CLNS1A: variants seen among roughly 807,000 people sequenced by gnomAD.
The protein encoded by CLNS1A is chloride nucleotide-sensitive channel 1A.
In CLNS1A, 16 loss-of-function variants were observed where a neutral mutation model predicts 29.4. The ratio of observed to expected loss-of-function variants is 0.54; its 90% CI spans 0.37 to 0.83. CLNS1A has a LOEUF of 0.83. CLNS1A is among the 40% of genes least tolerant of loss of function. CLNS1A has a pLI of 0.00. For missense variants in CLNS1A, 235 were observed against 287.4 expected, an observed-to-expected ratio of 0.82 and a Z score of 1.32; for synonymous variants, 96 against 104.8, an observed-to-expected ratio of 0.92 and a Z score of 0.51.
chr11:77,618,411 G>C (rs1296573610), intron 6 of CLNS1A: 1 of 152,248 alleles, frequency 6.6e-6, no homozygotes, highest in East Asian at 1.9e-4. Context: ...GAGCTCCAGT[G>C]ATGTGAACAC....
Position 77,629,880 on chromosome 11 carries a change from C to A in CLNS1A, c.145G>T (p.Gly49Cys). 1 of 1,614,024 alleles carries A rather than the reference C, an allele frequency of 6.2e-7. No individual in the cohort carries two copies. The highest frequency in any genetic ancestry group is 8.5e-7 in the Non-Finnish European group (1 of 1,179,950). The stretch of plus-strand genomic sequence containing the variant: ...TCCAGTGAGAATCCTAATCCAGAGC[C>A]ATCTAACCAAGACAGGCGGCTGAAA... ...IAESRLSWLD[G>C]SGLGFSLEYP... The change falls in exon 2 of 7, where the codon GGC becomes TGC. Residue 49 changes from glycine (G) to cysteine (C), a missense_variant. By Grantham distance (159) the Gly-to-Cys change is radical. Transcript: ENST00000525428.
At chr11:77,628,665 C>G (rs1050772645) in intron 2 of CLNS1A, among the ~76,000 whole-genome samples, 1 of 152,110 alleles carries the variant, frequency 6.6e-6, no homozygotes, top group African/African-American at 2.4e-5. Context: ...ATATCTGGAA[C>G]CATATTAAAA....
At chr11:77,631,097 C>G (rs1171016357) in intron 1 of CLNS1A, among the ~76,000 whole-genome samples, 2 of 152,096 alleles carry the variant, frequency 1.3e-5, no homozygotes, top group Non-Finnish European at 2.9e-5. Context: ...AACAGGAGAA[C>G]CTAGGACTGC....
intron 5 of CLNS1A, among the ~76,000 whole-genome samples, chr11:77,621,493 A>C (rs1414452260): frequency 4.6e-5 from 7 of 152,054 alleles, no homozygotes; most frequent in Non-Finnish European, 1.0e-4. Context: ...AAAATACAAA[A>C]ATTAGCTGGG....
intron 1 of CLNS1A, among the ~76,000 whole-genome samples, chr11:77,637,340 A>C (rs1324884386): frequency 4.0e-4 from 12 of 30,256 alleles, no homozygotes; most frequent in African/African-American, 1.1e-3. Flanking sequence ...GAAAAAAAGA[A>C]AAAAAAAAAA....
At chr11:77,637,243 TAAAAA>T in intron 1 of CLNS1A, among the ~76,000 whole-genome samples, 1 of 43,162 alleles carries the variant, frequency 2.3e-5, no homozygotes, top group East Asian at 7.1e-4. Flanking sequence ...ATAGGCGAGT[TAAAAA>T]AAAAAAAAAA....
rs1045087900 is a variant in CLNS1A, at chr11:77,614,761, G to A, written c.*1957C>T. The A allele has an allele frequency of 4.6e-5, 7 of 152,180 alleles. No homozygotes were observed. The highest frequency in any genetic ancestry group is 1.7e-4 in the African/African-American group (7 of 41,432). The allele number at this position is 152,180 out of a possible 1,614,324, so 9.4% of individuals were successfully genotyped here. A position where few individuals can be genotyped will look rare whatever the true frequency, so the allele number is the denominator to read the frequency against. On this transcript the variant is annotated 3_prime_UTR_variant, in exon 7 of 7. Coordinates refer to ENST00000525428, the MANE Select transcript of CLNS1A (RefSeq NM_001293.3). Reference sequence around the variant, plus strand: ...TACATTTTGGAGGGGAAATGTCTATGTACCTTTAAAGTGTCTCTACATCAG... The same window carrying A: ...TACATTTTGGAGGGGAAATGTCTATATACCTTTAAAGTGTCTCTACATCAG...
Position 77,620,588 on chromosome 11 carries a change from C to T in CLNS1A, c.647-893G>A, listed in dbSNP as rs550566792. Among the ~76,000 whole-genome samples, 4 of 152,278 alleles carry T rather than the reference C, an allele frequency of 2.6e-5. No individual in the cohort carries two copies. In the South Asian group the frequency reaches 8.3e-4, roughly 32 times the overall value. On this transcript the variant is annotated intron_variant, in intron 5 of 6. Coordinates refer to ENST00000525428, the MANE Select transcript of CLNS1A (RefSeq NM_001293.3). ...CCAAGGTGGGTGGATCACCTGAGGT[C>T]AGGAGTTTGAGACCAGCCTGGCCAA...
chr11:77,626,999 T>C (rs1959026897), intron 2 of CLNS1A, among the ~76,000 whole-genome samples: 1 of 150,364 alleles, frequency 6.7e-6, no homozygotes, highest in Non-Finnish European at 1.5e-5. Flanking sequence ...CCAGCCCTGA[T>C]GGTCATTTTT....
chr11:77,624,996 A>G lies in CLNS1A; in HGVS notation c.439T>C (p.Tyr147His). Residue 147 changes from tyrosine (Y) to histidine (H), a missense_variant, in exon 4 of 7, where the codon TAC becomes CAC. Tyr to His is a moderately conservative substitution (Grantham distance 83, BLOSUM62 2). Transcript: ENST00000525428. ...PDPEDEDSDD[Y>H]DGEEYDVEAH... ...TCCACATCATATTCTTCTCCATCGT[A>G]GTCATCTGAATCCTCATCCTCAGGA... 2 of 1,613,618 alleles carry G rather than the reference A, an allele frequency of 1.2e-6. No individual in the cohort carries two copies. The highest frequency in any genetic ancestry group is 1.7e-6 in the Non-Finnish European group (2 of 1,179,580).
At chr11:77,625,093 A>G in intron 3 of CLNS1A, 23 bp from the exon 4 acceptor site, 1 of 1,520,826 alleles carries the variant, frequency 6.6e-7, no homozygotes, top group Non-Finnish European at 9.1e-7. Flanking sequence ...ATTAAACTGT[A>G]ACCAATCTTT....
At position 77,621,072 on chromosome 11, in the gene CLNS1A, G is replaced by A. The variant is rs375923054; in HGVS notation, c.647-1377C>T. 9.0e-5 allele frequency among the ~76,000 whole-genome samples: 13 copies of A among 144,514 alleles called. No individual in the cohort carries two copies. In the East Asian group the frequency reaches 1.9e-3, roughly 21 times the overall value. 94.8% of individuals were successfully genotyped at this position (144,514 alleles called of 152,430 possible). A position where few individuals can be genotyped will look rare whatever the true frequency, so the allele number is the denominator to read the frequency against. On this transcript the variant is annotated intron_variant, in intron 5 of 6. Coordinates refer to ENST00000525428, the MANE Select transcript of CLNS1A (RefSeq NM_001293.3). ...AATACTTTGGGAGGCTGAGGCGGGCGGATCACCTGAGGTCAGGAGTTCGAG... is the reference window on the plus strand; with the variant it reads ...AATACTTTGGGAGGCTGAGGCGGGCAGATCACCTGAGGTCAGGAGTTCGAG...
intron 4 of CLNS1A, among the ~76,000 whole-genome samples, chr11:77,624,178 T>G (rs539507075): frequency 6.6e-6 from 1 of 152,076 alleles, no homozygotes; most frequent in Non-Finnish European, 1.5e-5. Context: ...GCTGGGAGAA[T>G]CATTTGAGTC....
intron 2 of CLNS1A, among the ~76,000 whole-genome samples, chr11:77,626,705 T>A (rs1442375066): frequency 6.8e-6 from 1 of 147,228 alleles, no homozygotes; most frequent in Non-Finnish European, 1.5e-5. Flanking sequence ...CATTTTTTTT[T>A]TTTTGAGACG....
chr11:77,627,858 C>T (rs1037671162), intron 2 of CLNS1A, among the ~76,000 whole-genome samples: 4 of 152,086 alleles, frequency 2.6e-5, no homozygotes, highest in Admixed American at 6.6e-5. Flanking sequence ...GACCGTTTTG[C>T]TCTGTTGCCC....
At chr11:77,637,542 G>T (rs1959145169) in intron 1 of CLNS1A, 48 bp downstream of exon 1, 1 of 1,560,426 alleles carries the variant, frequency 6.4e-7, no homozygotes, top group African/African-American at 1.4e-5. Flanking sequence ...CTCCAGCAAG[G>T]AGGAGGGCGG....
At chr11:77,624,883 C>A in intron 4 of CLNS1A, 80 bp downstream of exon 4, 1 of 847,244 alleles carries the variant, frequency 1.2e-6, no homozygotes, top group Non-Finnish European at 2.0e-6. Flanking sequence ...AACTATAATC[C>A]TCTACCCTTA....
chr11:77,625,316 A>G (rs769617390), intron 3 of CLNS1A: 6 of 511,564 alleles, frequency 1.2e-5, no homozygotes, highest in Non-Finnish European at 2.1e-5. Flanking sequence ...GAGTCCTGGT[A>G]AGACTGCTGG....
At position 77,615,084 on chromosome 11, in the gene CLNS1A, C is replaced by T. The variant is rs1958896678; in HGVS notation, c.*1634G>A. On this transcript the variant is annotated 3_prime_UTR_variant, in exon 7 of 7. Coordinates refer to ENST00000525428, the MANE Select transcript of CLNS1A (RefSeq NM_001293.3). ...CAACACCAACAAGAAACCAAGTACACTCTGAATCTTCTCGACATTTTGCTA... is the reference window on the plus strand; with the variant it reads ...CAACACCAACAAGAAACCAAGTACATTCTGAATCTTCTCGACATTTTGCTA... 1 of 152,206 alleles carries T rather than the reference C, an allele frequency of 6.6e-6. No homozygotes were observed. The highest frequency in any genetic ancestry group is 2.1e-4 in the South Asian group (1 of 4,836). The allele number at this position is 152,206 out of a possible 1,614,324, so 9.4% of individuals were successfully genotyped here. A position where few individuals can be genotyped will look rare whatever the true frequency, so the allele number is the denominator to read the frequency against.
Sources: allele counts gnomAD v4.1 joint callset (sites outside exome capture counted in the v4.1 genomes callset), GRCh38; gene constraint gnomAD v4.1.1; transcripts MANE v1.5; gene names NCBI Gene and HGNC (gene_info 2026-07-23, HGNC 2026-07-21).